Variants in HDAC9 observed in about 807,000 individuals in gnomAD.
The protein encoded by HDAC9 is MEF-2 interacting transcription repressor (MITR) protein.
A neutral mutation model predicts 139.4 loss-of-function variants in HDAC9; 41 were observed. The observed-to-expected ratio is 0.29, with a 90% CI of 0.23 to 0.38. The LOEUF (loss-of-function observed/expected upper bound fraction) is 0.38, where lower values mean the gene tolerates loss of function less well. Ranked by LOEUF, HDAC9 falls within the 10% of genes least tolerant of loss-of-function variation. The probability of loss-of-function intolerance (pLI) is 1.00; values close to 1 mark genes in which losing one functional copy is unlikely to be tolerated. For missense variants in HDAC9, 1,147 were observed against 1,297.0 expected, an observed-to-expected ratio of 0.88 and a Z score of 1.78; for synonymous variants, 517 against 476.2, an observed-to-expected ratio of 1.09 and a Z score of -1.12.
intron 12 of HDAC9, among the ~76,000 whole-genome samples, chr7:18,706,160 C>CTTTTTTTTTTTTTTTTT (rs1165670432): frequency 5.8e-5 from 5 of 86,752 alleles, no homozygotes; most frequent in East Asian, 3.7e-4. Context: ...GAAAGTTTTC[C>CTTTTTTTTTTTTTTTTT]TTTTTTTTTT....
intron 22 of HDAC9, among the ~76,000 whole-genome samples, chr7:18,930,639 C>CTTAT (rs962324264): frequency 3.3e-5 from 5 of 152,052 alleles, no homozygotes; most frequent in African/African-American, 1.2e-4. Flanking sequence ...TACTGAATTG[C>CTTAT]TTATTTTGAT....
At chr7:18,782,192 C>G (rs910786361) in intron 16 of HDAC9, among the ~76,000 whole-genome samples, 7 of 152,140 alleles carry the variant, frequency 4.6e-5, no homozygotes, top group Non-Finnish European at 7.4e-5. Flanking sequence ...TTTCATTTCC[C>G]AACTTTCAGG....
chr7:18,650,655 C>T (rs764943501), intron 11 of HDAC9, among the ~76,000 whole-genome samples: 1 of 152,136 alleles, frequency 6.6e-6, no homozygotes, highest in Non-Finnish European at 1.5e-5. Context: ...CAAATCTTAT[C>T]AGAGACCTTT....
chr7:18,115,395 T>A (rs1783911975), intron 1 of HDAC9, among the ~76,000 whole-genome samples: 1 of 152,220 alleles, frequency 6.6e-6, no homozygotes, highest in Non-Finnish European at 1.5e-5. Context: ...TCTTTTAGAT[T>A]TGTGAGAATA....
At chr7:18,167,430 C>A (rs1174615213) in intron 2 of HDAC9, among the ~76,000 whole-genome samples, 2 of 152,082 alleles carry the variant, frequency 1.3e-5, no homozygotes, top group African/African-American at 2.4e-5. Flanking sequence ...TTGCTTTTCA[C>A]AATTAATTTT....
chr7:18,734,340 A>C (rs149035926), intron 13 of HDAC9, among the ~76,000 whole-genome samples: 165 of 152,246 alleles, frequency 1.1e-3, no homozygotes, highest in Middle Eastern at 0.01. Flanking sequence ...TCAACTTATC[A>C]TTTACATTAG....
At position 18,156,599 on chromosome 7, in the gene HDAC9, A is replaced by G. The variant is rs543866361; in HGVS notation, c.-96-5630A>G. On this transcript the variant is annotated intron_variant, in intron 1 of 12. Coordinates refer to the HDAC9 transcript ENST00000417496. ...ATTGTGTACCTGCCATGTATCAGGT[A>G]CTCTACTAGGTGTGGGGGTTACAAA... 2.0e-5 allele frequency among the ~76,000 whole-genome samples: 3 copies of G among 152,256 alleles called. No individual in the cohort carries two copies. In the South Asian group the frequency reaches 6.2e-4, roughly 32 times the overall value.
At chr7:18,367,131 A>G (rs1430249952) in intron 1 of HDAC9, among the ~76,000 whole-genome samples, 1 of 152,112 alleles carries the variant, frequency 6.6e-6, no homozygotes, top group Non-Finnish European at 1.5e-5. Context: ...CAGAATAATG[A>G]AAAGGCACAG....
At chr7:18,614,687 TTAAGTACAACATTTTTTCTACCCATCA>T (rs1392804389) in intron 6 of HDAC9, among the ~76,000 whole-genome samples, 1 of 152,220 alleles carries the variant, frequency 6.6e-6, no homozygotes, top group Admixed American at 6.5e-5. Flanking sequence ...TCGACCCATC[TTAAGTACAACATTTTTTCTACCCATCA>T]TAAGTACAAC....
intron 22 of HDAC9, among the ~76,000 whole-genome samples, chr7:18,895,449 A>G (rs1801100049): frequency 6.6e-6 from 1 of 152,068 alleles, no homozygotes; most frequent in African/African-American, 2.4e-5. Context: ...AGGTGATAAT[A>G]AGAGAGGAGG....
At chr7:18,205,378 A>G (rs942854843) in intron 2 of HDAC9, among the ~76,000 whole-genome samples, 9 of 152,006 alleles carry the variant, frequency 5.9e-5, no homozygotes, top group Admixed American at 1.3e-4. Flanking sequence ...TTCCAAAAAC[A>G]TTGAGCTTCT....
intron 13 of HDAC9, among the ~76,000 whole-genome samples, chr7:18,730,377 AT>A (rs1785937807): frequency 1.3e-5 from 2 of 152,214 alleles, no homozygotes; most frequent in Admixed American, 1.3e-4. Context: ...TAAGGTTTTC[AT>A]TCTAGTATGA....
chr7:18,308,777 T>TTC (rs1187945420), intron 1 of HDAC9, among the ~76,000 whole-genome samples: 4 of 152,248 alleles, frequency 2.6e-5, no homozygotes, highest in African/African-American at 9.6e-5. Context: ...TTTTCTCTTA[T>TTC]TCTTGCTGTT....
intron 16 of HDAC9, among the ~76,000 whole-genome samples, chr7:18,792,410 T>C (rs1792401493): frequency 1.3e-5 from 2 of 152,076 alleles, no homozygotes; most frequent in African/African-American, 4.8e-5. Context: ...TAGAGACTTC[T>C]ACCATCTGGT....
At chr7:18,831,530 G>A (rs917118083) in intron 19 of HDAC9, among the ~76,000 whole-genome samples, 5 of 152,054 alleles carry the variant, frequency 3.3e-5, no homozygotes, top group African/African-American at 4.8e-5. Flanking sequence ...TGTAGTAGAC[G>A]AGAAGTTTTT....
chr7:18,284,081 A>G (rs1356827942), intron 2 of HDAC9, among the ~76,000 whole-genome samples: 1 of 152,178 alleles, frequency 6.6e-6, no homozygotes, highest in African/African-American at 2.4e-5. Context: ...GTGAATGTTA[A>G]CATAAAGAAG....
At chr7:18,600,772 A>G (rs919997743) in intron 6 of HDAC9, among the ~76,000 whole-genome samples, 4 of 152,082 alleles carry the variant, frequency 2.6e-5, no homozygotes, top group Non-Finnish European at 5.9e-5. Context: ...CTCTGGGTAT[A>G]AAGTTTAGAA....
At chr7:18,129,299 G>A (rs965487179) in intron 1 of HDAC9, among the ~76,000 whole-genome samples, 2 of 152,058 alleles carry the variant, frequency 1.3e-5, no homozygotes, top group African/African-American at 2.4e-5. Context: ...GCCTAGGTAG[G>A]TTTGTTTTCT....
chr7:18,344,035 CA>C (rs1422726586), intron 1 of HDAC9, among the ~76,000 whole-genome samples: 4 of 151,684 alleles, frequency 2.6e-5, no homozygotes, highest in African/African-American at 9.7e-5. Flanking sequence ...CTGTGTTGAG[CA>C]ATTCAATAGA....
Sources: gnomAD v4.1 joint callset for allele counts (sites outside exome capture counted in the v4.1 genomes callset) on GRCh38, gnomAD v4.1.1 for gene constraint, MANE v1.5 for transcripts, NCBI Gene and HGNC (gene_info 2026-07-23, HGNC 2026-07-21) for gene names.